GOSR1: variants seen among roughly 807,000 people sequenced by gnomAD.
GOSR1 encodes the protein 28 kDa Golgi SNARE protein.
Under a neutral mutation model 35.5 loss-of-function variants are expected in GOSR1, and 21 were observed. That is an observed-to-expected ratio of 0.59 (90% CI 0.42 to 0.85). The LOEUF is 0.85. Among genes scored for constraint, GOSR1 ranks in the 40% least tolerant of loss-of-function variants. The pLI, the probability that GOSR1 is intolerant of heterozygous loss-of-function variation, is 0.00. For missense variants in GOSR1, 285 were observed against 309.6 expected (o/e 0.92, Z 0.60); for synonymous variants, 94 against 106.6 (o/e 0.88, Z 0.73).
chr17:30,477,780 G>A (rs1176666451), intron 1 of GOSR1: 1 of 985,192 alleles, frequency 1.0e-6, no homozygotes, highest in East Asian at 1.1e-4. Flanking sequence ...CTCGGACGAA[G>A]GGGCTTGGGG....
chr17:30,521,672 G>A (rs1408525917), intron 8 of GOSR1, among the ~76,000 whole-genome samples: 4 of 151,878 alleles, frequency 2.6e-5, no homozygotes, highest in African/African-American at 9.7e-5. Flanking sequence ...CTTCTGCTGC[G>A]AAGTAACTTT....
chr17:30,493,844 A>C (rs193094841), intron 6 of GOSR1, among the ~76,000 whole-genome samples: 38 of 152,288 alleles, frequency 2.5e-4, no homozygotes, highest in Non-Finnish European at 4.0e-4. Context: ...TAAATTATGT[A>C]ACCATTTCCC....
At chr17:30,484,942 T>C in intron 4 of GOSR1, 172 bp downstream of exon 4, 1 of 646,214 alleles carries the variant, frequency 1.5e-6, no homozygotes, top group Non-Finnish European at 2.8e-6. Context: ...GTCACCATTA[T>C]AAAATTCTGA....
intron 7 of GOSR1, among the ~76,000 whole-genome samples, chr17:30,518,577 A>G (rs557873276): frequency 7.0e-4 from 107 of 152,310 alleles, no homozygotes; most frequent in African/African-American, 2.5e-3. Context: ...CTAGGGCTCT[A>G]ATGTCCAGAG....
intron 4 of GOSR1, among the ~76,000 whole-genome samples, chr17:30,487,696 GA>G (rs1914762866): frequency 6.6e-6 from 1 of 152,018 alleles, no homozygotes; most frequent in South Asian, 2.1e-4. Flanking sequence ...AACATAAATT[GA>G]TGTAATGTTT....
rs533960880 is a variant in GOSR1, at chr17:30,484,636, G to T, written c.235-27G>T. 239 of 1,208,146 alleles carry T rather than the reference G, an allele frequency of 2.0e-4. No individual in the cohort carries two copies. In the African/African-American group the frequency reaches 4.0e-3, roughly 20 times the overall value. 74.8% of individuals were successfully genotyped at this position (1,208,146 alleles called of 1,614,324 possible). ...TTTATAGTGCTTAGTAAAATATTTT[G>T]ATTGTTTTTTTTTTCTTTATTTCTA... On this transcript the variant is annotated intron_variant, in intron 3 of 8. Transcript: ENST00000451249.
At chr17:30,521,035 A>G (rs915380738) in intron 8 of GOSR1, among the ~76,000 whole-genome samples, 4 of 152,206 alleles carry the variant, frequency 2.6e-5, no homozygotes, top group Non-Finnish European at 5.9e-5. Context: ...TTGAAATAGA[A>G]GTGTGAGTCA....
chr17:30,494,192 A>AACACACACACACACACACAC (rs143873080), intron 6 of GOSR1, among the ~76,000 whole-genome samples: 2 of 150,414 alleles, frequency 1.3e-5, no homozygotes, highest in African/African-American at 4.9e-5. Context: ...GCCATACTTA[A>AACACACACACACACACACAC]ACACACACAC....
intron 7 of GOSR1, among the ~76,000 whole-genome samples, chr17:30,513,537 T>C (rs1567914680): frequency 6.6e-6 from 1 of 152,144 alleles, no homozygotes. Context: ...CAAGTTAACA[T>C]AATGTATGAT....
chr17:30,492,782 G>C (rs765391364), intron 6 of GOSR1, 29 bp downstream of exon 6: 16 of 1,263,218 alleles, frequency 1.3e-5, no homozygotes, highest in Non-Finnish European at 1.7e-5. Flanking sequence ...TGCATTATGT[G>C]GTTTTCCACG....
chr17:30,477,890 G>A (rs1413851998), intron 1 of GOSR1: 7 of 985,128 alleles, frequency 7.1e-6, no homozygotes, highest in Non-Finnish European at 8.4e-6. Context: ...TTGGAAAACT[G>A]AGTGGGAAAA....
chr17:30,487,135 C>T (rs1914730856), intron 4 of GOSR1, among the ~76,000 whole-genome samples: 1 of 152,016 alleles, frequency 6.6e-6, no homozygotes, highest in South Asian at 2.1e-4. Flanking sequence ...AACAATTAAA[C>T]AGAGTTTATA....
At chr17:30,494,541 G>A (rs1966920327) in intron 6 of GOSR1, among the ~76,000 whole-genome samples, 1 of 151,914 alleles carries the variant, frequency 6.6e-6, no homozygotes, top group Non-Finnish European at 1.5e-5. Flanking sequence ...TTTTCTTCTT[G>A]AAAAAGTATC....
chr17:30,477,536 AAGC>A (rs1278548434), intron 1 of GOSR1, 72 bp downstream of exon 1: 13 of 1,533,342 alleles, frequency 8.5e-6, no homozygotes, highest in Non-Finnish European at 1.2e-5. Flanking sequence ...ATCTTGGGAG[AAGC>A]AGCACAGGAA....
chr17:30,481,649 CT>C (rs1208270900), intron 2 of GOSR1, among the ~76,000 whole-genome samples: 1 of 152,140 alleles, frequency 6.6e-6, no homozygotes, highest in Admixed American at 6.5e-5. Context: ...ATACATACTG[CT>C]TTTCTGGTGT....
chr17:30,522,073 G>GAA, intron 8 of GOSR1, among the ~76,000 whole-genome samples, 181 bp from the exon 9 acceptor site: 1 of 152,184 alleles, frequency 6.6e-6, no homozygotes, highest in Non-Finnish European at 1.5e-5. Flanking sequence ...TAGGGGCCTT[G>GAA]AGCCGCAGCG....
At chr17:30,508,512 G>A (rs1967488635) in intron 6 of GOSR1, among the ~76,000 whole-genome samples, 1 of 152,158 alleles carries the variant, frequency 6.6e-6, no homozygotes, top group Non-Finnish European at 1.5e-5. Context: ...CATGTGTCTT[G>A]TCTATCTCCA....
intron 8 of GOSR1, 107 bp from the exon 9 acceptor site, chr17:30,522,147 C>T (rs1968059687): frequency 2.3e-6 from 2 of 883,166 alleles, no homozygotes; most frequent in Non-Finnish European, 3.4e-6. Context: ...TTCCCCATGC[C>T]TTTCATCACT....
At chr17:30,497,970 A>G (rs867342153) in intron 6 of GOSR1, among the ~76,000 whole-genome samples, 1 of 150,356 alleles carries the variant, frequency 6.7e-6, no homozygotes, top group African/African-American at 2.5e-5. Flanking sequence ...AGGCAGGAGA[A>G]TTGCTTGAAC....
Sources: gnomAD v4.1 joint callset for allele counts (sites outside exome capture counted in the v4.1 genomes callset) on GRCh38, gnomAD v4.1.1 for gene constraint, MANE v1.5 for transcripts, NCBI Gene and HGNC (gene_info 2026-07-23, HGNC 2026-07-21) for gene names.